Variants in ANKRD46 observed in about 807,000 individuals in gnomAD.
The protein encoded by ANKRD46 is ankyrin repeat domain-containing protein 46.
ANKRD46 carries 13 observed loss-of-function variants against 19.8 expected under a neutral mutation model. The observed-to-expected ratio is 0.66, with a 90% CI of 0.43 to 1.04. ANKRD46 has a LOEUF of 1.04. Among genes scored for constraint, ANKRD46 ranks in the 50% least tolerant of loss-of-function variants. ANKRD46 has a pLI of 0.00. For synonymous variants in ANKRD46, 91 were observed against 106.9 expected (o/e 0.85, Z 0.92); for missense variants, 185 against 274.8 (o/e 0.67, Z 2.31).
rs1321580980 is a variant in ANKRD46, at chr8:100,544,168, G to A, written c.-130-10857C>T. On this transcript the variant is annotated intron_variant, in intron 1 of 4. Coordinates refer to ENST00000335659, the MANE Select transcript of ANKRD46 (RefSeq NM_001270377.2). This position sits in a 1 kb window ranked among gnomAD's most constrained non-coding sequence, Gnocchi z 4.4. ...CTCACCCTCCTTTTGGCTACCCCAA[G>A]CAGCAAGAAATCTGCCCATACAACC... 6.6e-6 allele frequency among the ~76,000 whole-genome samples: 1 copy of A among 152,098 alleles called. No individual in the cohort carries two copies. Among genetic ancestry groups the A allele is most frequent in the African/African-American group, 2.4e-5 (1 of 41,414 alleles).
rs1015823350 is a variant in ANKRD46, at chr8:100,537,124, A to G, written c.-130-3813T>C. ...CCACAATCTTAGGTCAATCTGTAAA[A>G]CTTTAAGATATAATAGTATTCTTAA... is the stretch of plus-strand genomic sequence containing the variant. On this transcript the variant is annotated intron_variant, in intron 1 of 4. Coordinates refer to ENST00000335659, the MANE Select transcript of ANKRD46 (RefSeq NM_001270377.2). This position sits in a 1 kb window ranked among gnomAD's most constrained non-coding sequence, Gnocchi z 4.2. 2.0e-5 allele frequency among the ~76,000 whole-genome samples: 3 copies of G among 152,176 alleles called. No homozygotes were observed. The highest frequency in any genetic ancestry group is 7.2e-5 in the African/African-American group (3 of 41,444).
chr8:100,515,063 A>C (rs918247917), intron 5 of ANKRD46, among the ~76,000 whole-genome samples: 1 of 152,232 alleles, frequency 6.6e-6, no homozygotes, highest in African/African-American at 2.4e-5. Flanking sequence ...TCTCTGGCAC[A>C]CTGGAGAACC....
chr8:100,515,570 A>G lies in ANKRD46; in HGVS notation c.637-4931T>C, dbSNP rs543729844. On this transcript the variant is annotated intron_variant, in intron 5 of 5. Transcript: ENST00000520552. ...ATTTGGCCTAACTATGAAAGTACAC[A>G]GAACACAATACTGACACAGTCTATC... 3.4e-4 allele frequency among the ~76,000 whole-genome samples: 52 copies of G among 151,974 alleles called. 1 individual carries two copies. The South Asian group carries it at 6.9e-3, about 20-fold the overall frequency.
intron 5 of ANKRD46, among the ~76,000 whole-genome samples, chr8:100,512,032 C>T (rs560282324): frequency 1.1e-4 from 16 of 152,142 alleles, no homozygotes; most frequent in East Asian, 5.8e-4. Context: ...CTTAAACAAA[C>T]GAACAAAAAG....
chr8:100,541,734 A>C (rs1433650176), intron 1 of ANKRD46, among the ~76,000 whole-genome samples: 1 of 152,198 alleles, frequency 6.6e-6, no homozygotes, highest in Non-Finnish European at 1.5e-5. Context: ...TTCACTGTCG[A>C]AATACAAAAT....
intron 4 of ANKRD46, among the ~76,000 whole-genome samples, chr8:100,523,348 T>G (rs1811773019): frequency 1.3e-5 from 2 of 151,418 alleles, no homozygotes; most frequent in Non-Finnish European, 2.9e-5. Flanking sequence ...AAGAGGACAG[T>G]CATCTACAAG....
At chr8:100,540,088 G>C (rs1302369877) in intron 1 of ANKRD46, among the ~76,000 whole-genome samples, 2 of 152,068 alleles carry the variant, frequency 1.3e-5, no homozygotes, top group Non-Finnish European at 2.9e-5. Flanking sequence ...CATTTATTAA[G>C]TTATACTGCA....
rs577148284 is a variant in ANKRD46 at position 100,546,866 on chromosome 8, G to A, written c.-131+12845C>T. On this transcript the variant is annotated intron_variant, in intron 1 of 4. Coordinates refer to ENST00000335659, the MANE Select transcript of ANKRD46 (RefSeq NM_001270377.2). This position sits in a 1 kb window ranked among gnomAD's most constrained non-coding sequence, Gnocchi z 4.0. ...ACATGGAGTTAAAGGAGATTTTGGA[G>A]TTTAAGATTCAATGACTGCCTGGCT... is the stretch of plus-strand genomic sequence containing the variant. Among the ~76,000 whole-genome samples the A allele has an allele frequency of 6.6e-6, 1 of 152,346 alleles. No individual in the cohort carries two copies. The highest frequency in any genetic ancestry group is 1.9e-4 in the East Asian group (1 of 5,186).
chr8:100,551,679 C>G, intron 1 of ANKRD46: 1 of 644,744 alleles, frequency 1.6e-6, no homozygotes, highest in African/African-American at 1.8e-5. Context: ...CCAATATGGC[C>G]CAAATCTATT....
At position 100,545,815 on chromosome 8, in the gene ANKRD46, G is replaced by A. The variant is rs1812262485; in HGVS notation, c.-130-12504C>T. On this transcript the variant is annotated intron_variant, in intron 1 of 4. Transcript: ENST00000335659. This position sits in a 1 kb window ranked among gnomAD's most constrained non-coding sequence, Gnocchi z 4.7. ...TGAAATCAAGGCTGAGGTGGTCTCA[G>A]AAAGAGATGAGGGACTTTTTGGGAA... Among the ~76,000 whole-genome samples, 1 of 152,190 alleles carries A rather than the reference G, an allele frequency of 6.6e-6. No individual in the cohort carries two copies. Among genetic ancestry groups the A allele is most frequent in the Non-Finnish European group, 1.5e-5 (1 of 68,030 alleles).
At chr8:100,556,010 C>A (rs1285873111) in intron 1 of ANKRD46, among the ~76,000 whole-genome samples, 1 of 152,124 alleles carries the variant, frequency 6.6e-6, no homozygotes, top group Non-Finnish European at 1.5e-5. Context: ...GAAACAAGAA[C>A]CTGAACTCAT....
Position 100,521,634 on chromosome 8 carries a change from T to C in ANKRD46, c.*921A>G, listed in dbSNP as rs1034030388. 4.9e-5 allele frequency: 48 copies of C among 985,448 alleles called. No individual in the cohort carries two copies. Among genetic ancestry groups the C allele is most frequent in the Non-Finnish European group, 5.5e-5 (46 of 829,924 alleles). The allele number at this position is 985,448 out of a possible 1,614,324, so 61.0% of individuals were successfully genotyped here. ...AGTCTAACAGGGCCTCCAAATAGGA[T>C]TGCACATGAAATAATTATGAACTAT... On this transcript the variant is annotated 3_prime_UTR_variant, in exon 5 of 5. Transcript: ENST00000335659.
Position 100,521,478 on chromosome 8 carries a change from C to A in ANKRD46, c.*1077G>T. The A allele has an allele frequency of 2.0e-6, 2 of 985,394 alleles. No individual in the cohort carries two copies. Among genetic ancestry groups the A allele is most frequent in the Non-Finnish European group, 2.4e-6 (2 of 829,914 alleles). The allele number at this position is 985,394 out of a possible 1,614,324, so 61.0% of individuals were successfully genotyped here. A position where few individuals can be genotyped will look rare whatever the true frequency, so the allele number is the denominator to read the frequency against. ...GCAATATAGTTTGAGGGCCAGATTT[C>A]AATTTACATAATATTACCATTCATA... On this transcript the variant is annotated 3_prime_UTR_variant, in exon 5 of 5. Coordinates refer to ENST00000335659, the MANE Select transcript of ANKRD46 (RefSeq NM_001270377.2).
At position 100,532,205 on chromosome 8, in the gene ANKRD46, C is replaced by T. The variant is rs923870419; in HGVS notation, c.-28+1004G>A. Among the ~76,000 whole-genome samples, 7 of 152,170 alleles carry T rather than the reference C, an allele frequency of 4.6e-5. No individual in the cohort carries two copies. The highest frequency in any genetic ancestry group is 1.7e-4 in the African/African-American group (7 of 41,438). On this transcript the variant is annotated intron_variant, in intron 2 of 4. Transcript: ENST00000335659. The surrounding 1 kb of genome is among the most constrained non-coding windows in gnomAD (Gnocchi z 4.7). ...ATCTGGCTGGACACAGTGGCTCACA[C>T]CTGTAATCCCAGTACTTTGGAAGGC...
In ANKRD46 at chr8:100,527,747, C is replaced by A. The variant is rs1037042723; in HGVS notation, c.470+98G>T. 6.0e-6 allele frequency: 8 copies of A among 1,340,460 alleles called. No individual in the cohort carries two copies. In the African/African-American group the frequency reaches 1.0e-4, roughly 17 times the overall value. 83.0% of individuals were successfully genotyped at this position (1,340,460 alleles called of 1,614,324 possible). A position where few individuals can be genotyped will look rare whatever the true frequency, so the allele number is the denominator to read the frequency against. On this transcript the variant is annotated intron_variant, in intron 4 of 4. Coordinates refer to ENST00000335659, the MANE Select transcript of ANKRD46 (RefSeq NM_001270377.2). This position sits in a 1 kb window ranked among gnomAD's most constrained non-coding sequence, Gnocchi z 4.0. ...GGGTGTGGCTACATGTGCCTATAGT[C>A]CCAGCTAGTCAGGAGGCTGAGGCAG...
rs1811728144 is a variant in ANKRD46 at position 100,521,744 on chromosome 8, G to A, written c.*811C>T. 4.1e-6 allele frequency: 4 copies of A among 985,150 alleles called. No individual in the cohort carries two copies. In the Admixed American group the frequency reaches 2.5e-4, roughly 61 times the overall value. The allele number at this position is 985,150 out of a possible 1,614,324, so 61.0% of individuals were successfully genotyped here. On this transcript the variant is annotated 3_prime_UTR_variant, in exon 5 of 5. Transcript: ENST00000335659. ...ACAGAATTATGACAGTTAAATATCA[G>A]AATTATTTTTCCCTGCTAACTATTC... is the stretch of plus-strand genomic sequence containing the variant.
At chr8:100,523,100 G>A (rs1811766903) in intron 4 of ANKRD46, among the ~76,000 whole-genome samples, 1 of 151,946 alleles carries the variant, frequency 6.6e-6, no homozygotes, top group Non-Finnish European at 1.5e-5. Flanking sequence ...GGCCAAGGAG[G>A]GAGGATCACT....
Position 100,510,559 on chromosome 8 carries a change from A to G in ANKRD46, c.*18T>C, listed in dbSNP as rs2130621799. 1 of 1,533,502 alleles carries G rather than the reference A, an allele frequency of 6.5e-7. No individual in the cohort carries two copies. The highest frequency in any genetic ancestry group is 8.7e-7 in the Non-Finnish European group (1 of 1,145,356). 95.0% of individuals were successfully genotyped at this position (1,533,502 alleles called of 1,614,324 possible). On this transcript the variant is annotated 3_prime_UTR_variant, in exon 6 of 6. Transcript: ENST00000520552. This position sits in a 1 kb window ranked among gnomAD's most constrained non-coding sequence, Gnocchi z 4.9. ...CTTGCCTTCTGAGGCTCAGGAGCAC[A>G]GGACACTGACCTAGAGATTAGATGG...
chr8:100,531,504 G>C (rs1237207769), intron 2 of ANKRD46, among the ~76,000 whole-genome samples: 1 of 152,204 alleles, frequency 6.6e-6, no homozygotes, highest in African/African-American at 2.4e-5. Context: ...TCTGTGGAAA[G>C]AGTGGGCATT....
Sources: allele counts gnomAD v4.1 joint callset (sites outside exome capture counted in the v4.1 genomes callset), GRCh38; gene constraint gnomAD v4.1.1; non-coding constraint Gnocchi (gnomAD v3.1); transcripts MANE v1.5; gene names NCBI Gene and HGNC (gene_info 2026-07-23, HGNC 2026-07-21).